Variants in NBEA observed in about 807,000 individuals in gnomAD.
The protein encoded by NBEA is lysosomal-trafficking regulator 2.
Under a neutral mutation model 343.4 loss-of-function variants are expected in NBEA, and 44 were observed. That is an observed-to-expected ratio of 0.13 (90% CI 0.10 to 0.16). NBEA has a LOEUF of 0.16. NBEA is among the 10% of genes least tolerant of loss of function. The pLI, the probability that NBEA is intolerant of heterozygous loss-of-function variation, is 1.00. For synonymous variants in NBEA, 1,175 were observed against 1,238.7 expected, an observed-to-expected ratio of 0.95 and a Z score of 1.08; for missense variants, 2,555 against 3,631.3, an observed-to-expected ratio of 0.70 and a Z score of 7.62.
At chr13:35,089,750 G>A (rs1192272943) in intron 10 of NBEA, among the ~76,000 whole-genome samples, 1 of 148,372 alleles carries the variant, frequency 6.7e-6, no homozygotes, top group Non-Finnish European at 1.5e-5. Flanking sequence ...ATGAGTTCAT[G>A]TCCTTTGTAG....
intron 34 of NBEA, among the ~76,000 whole-genome samples, chr13:35,276,755 C>T (rs994588575): frequency 3.3e-5 from 5 of 152,166 alleles, no homozygotes; most frequent in Admixed American, 1.3e-4. Flanking sequence ...TTATTACAGA[C>T]ATACTGTAGT....
chr13:34,987,764 C>G (rs2060605730), intron 1 of NBEA, among the ~76,000 whole-genome samples: 1 of 150,936 alleles, frequency 6.6e-6, no homozygotes, highest in Admixed American at 6.6e-5. Context: ...CACTGATATT[C>G]TTTTTTCCAC....
At chr13:35,157,864 G>A (rs977740272) in intron 21 of NBEA, among the ~76,000 whole-genome samples, 3 of 152,034 alleles carry the variant, frequency 2.0e-5, no homozygotes, top group African/African-American at 7.2e-5. Context: ...AAGAAGCATG[G>A]GTGTCAGAAG....
At chr13:35,465,001 G>A (rs750442336) in intron 40 of NBEA, among the ~76,000 whole-genome samples, 7 of 152,156 alleles carry the variant, frequency 4.6e-5, no homozygotes, top group East Asian at 1.9e-4. Flanking sequence ...GGAAAAATAC[G>A]ATAGTCATAA....
At chr13:35,294,007 C>T (rs2035956962) in intron 35 of NBEA, among the ~76,000 whole-genome samples, 1 of 152,022 alleles carries the variant, frequency 6.6e-6, no homozygotes, top group African/African-American at 2.4e-5. Flanking sequence ...CATTTCTACT[C>T]TTACTGAAAA....
chr13:35,199,036 C>T (rs1406384554), intron 31 of NBEA, among the ~76,000 whole-genome samples: 2 of 152,054 alleles, frequency 1.3e-5, no homozygotes, highest in Non-Finnish European at 2.9e-5. Context: ...AGCTGCCAGC[C>T]AGCCAGACGG....
chr13:35,125,725 T>A (rs749466068), intron 17 of NBEA, among the ~76,000 whole-genome samples: 16 of 152,114 alleles, frequency 1.1e-4, no homozygotes, highest in African/African-American at 3.1e-4. Flanking sequence ...AAAAATAAGT[T>A]AAAGTAACCA....
chr13:35,089,781 A>G (rs1179439281), intron 10 of NBEA, among the ~76,000 whole-genome samples: 1 of 149,868 alleles, frequency 6.7e-6, no homozygotes, highest in East Asian at 2.0e-4. Context: ...GAAATTGGAG[A>G]TCATCATTCT....
chr13:35,356,002 T>C (rs915811126), intron 38 of NBEA, among the ~76,000 whole-genome samples: 2 of 152,064 alleles, frequency 1.3e-5, no homozygotes, highest in African/African-American at 4.8e-5. Flanking sequence ...CATAATGTAA[T>C]AGATTCTTTG....
At chr13:35,122,670 G>A (rs1039997670) in intron 16 of NBEA, among the ~76,000 whole-genome samples, 3 of 152,002 alleles carry the variant, frequency 2.0e-5, no homozygotes, top group Non-Finnish European at 2.9e-5. Flanking sequence ...GTATACATAC[G>A]TAACAAACCT....
chr13:35,092,641 A>T (rs1299572621), intron 10 of NBEA, among the ~76,000 whole-genome samples: 1 of 152,090 alleles, frequency 6.6e-6, no homozygotes, highest in African/African-American at 2.4e-5. Context: ...AGATAAATGT[A>T]AATTAAAACT....
intron 1 of NBEA, among the ~76,000 whole-genome samples, chr13:34,996,384 A>G (rs1304242707): frequency 2.6e-5 from 4 of 152,142 alleles, no homozygotes; most frequent in South Asian, 2.1e-4. Context: ...ACTTTTGCCA[A>G]TATTAGGGTT....
chr13:35,221,390 C>T (rs999566820), intron 33 of NBEA, among the ~76,000 whole-genome samples: 7 of 151,078 alleles, frequency 4.6e-5, no homozygotes, highest in African/African-American at 1.7e-4. Flanking sequence ...TCTATCTTAT[C>T]CAGTTGTTTA....
intron 41 of NBEA, among the ~76,000 whole-genome samples, chr13:35,488,557 A>G (rs561760707): frequency 5.9e-5 from 9 of 152,092 alleles, no homozygotes; most frequent in South Asian, 4.1e-4. Context: ...TAAACTTTCA[A>G]TGCAAATAGA....
intron 1 of NBEA, among the ~76,000 whole-genome samples, chr13:35,000,180 A>T (rs2061078976): frequency 1.3e-5 from 2 of 152,182 alleles, no homozygotes; most frequent in Non-Finnish European, 2.9e-5. Flanking sequence ...TTCATAGATC[A>T]TTGCTGAAAG....
chr13:35,064,002 A>G (rs1262423078), intron 8 of NBEA, among the ~76,000 whole-genome samples: 1 of 151,986 alleles, frequency 6.6e-6, no homozygotes, highest in Non-Finnish European at 1.5e-5. Context: ...CTATAAAGAA[A>G]TAAGTTTTGG....
Position 35,672,184 on chromosome 13 carries a change from C to T in NBEA, c.*1193C>T, listed in dbSNP as rs1395343580. 6.6e-6 allele frequency: 1 copy of T among 152,566 alleles called. No homozygotes were observed. Among genetic ancestry groups the T allele is most frequent in the Non-Finnish European group, 1.5e-5 (1 of 68,036 alleles). The allele number at this position is 152,566 out of a possible 1,614,324, so 9.5% of individuals were successfully genotyped here. On this transcript the variant is annotated 3_prime_UTR_variant, in exon 59 of 59. Transcript: ENST00000379939. ...AGTTATACACCCAGGGGTATATACA[C>T]TTTCTTCATGTTTCTTCTTTGTATA...
Position 35,170,455 on chromosome 13 carries a change from A to G in NBEA, c.4243-817A>G, listed in dbSNP as rs373710086. Among the ~76,000 whole-genome samples the G allele has an allele frequency of 1.1e-3, 171 of 152,010 alleles. 2 individuals are homozygous for G. Among genetic ancestry groups the G allele is most frequent in the African/African-American group, 3.6e-3 (149 of 41,546 alleles). ...TGAGGCCTAGTCCTAAGGAACAAAA[A>G]TAATTAAAATGCTGTATAGTCCATG... On this transcript the variant is annotated intron_variant, in intron 25 of 58. Coordinates refer to ENST00000379939, the MANE Select transcript of NBEA (RefSeq NM_001385012.1).
chr13:35,166,560 C>T (rs189162455), intron 24 of NBEA, among the ~76,000 whole-genome samples: 1 of 152,142 alleles, frequency 6.6e-6, no homozygotes, highest in East Asian at 1.9e-4. Context: ...GTTATTTTGG[C>T]CCATTAACTG....
Sources: allele counts gnomAD v4.1 joint callset (sites outside exome capture counted in the v4.1 genomes callset), GRCh38; gene constraint gnomAD v4.1.1; transcripts MANE v1.5; gene names NCBI Gene and HGNC (gene_info 2026-07-23, HGNC 2026-07-21).